The following EHMT1 variants were observed in gnomAD, a reference collection of about 807,000 sequenced individuals.
The protein encoded by EHMT1 is euchromatic histone lysine methyltransferase 1, also known as histone-lysine N-methyltransferase EHMT1.
In EHMT1, 15 loss-of-function variants were observed where a neutral mutation model predicts 147.2. The ratio of observed to expected loss-of-function variants is 0.10; its 90% CI spans 0.07 to 0.16. The LOEUF (loss-of-function observed/expected upper bound fraction) is 0.16. EHMT1 is among the 10% of genes least tolerant of loss of function. The pLI is 1.00. For missense variants in EHMT1, 1,587 were observed against 1,772.4 expected (o/e 0.90, Z 1.88); for synonymous variants, 795 against 709.6 (o/e 1.12, Z -1.91).
At chr9:137,690,785 T>C (rs1008302734) in intron 1 of EHMT1, among the ~76,000 whole-genome samples, 1 of 152,196 alleles carries the variant, frequency 6.6e-6, no homozygotes, top group Non-Finnish European at 1.5e-5. Flanking sequence ...ATCACTTGTG[T>C]ATGTTGCTGT....
At position 137,801,352 on chromosome 9, in the gene EHMT1, C is replaced by T. The variant is rs1309303382; in HGVS notation, c.2712+368C>T. Among the ~76,000 whole-genome samples, 7 of 152,328 alleles carry T rather than the reference C, an allele frequency of 4.6e-5. No homozygotes were observed. The South Asian group carries it at 6.2e-4, about 14-fold the overall frequency. The stretch of plus-strand genomic sequence containing the variant: ...TTTGTTTCTTTTATGGATGGAGTCT[C>T]GCTCTGTCGCCCAGGCTAGAGTGCA... On this transcript the variant is annotated intron_variant, in intron 18 of 26. Transcript: ENST00000460843.
chr9:137,626,428 C>T (rs2133520492), intron 1 of EHMT1, among the ~76,000 whole-genome samples: 1 of 150,342 alleles, frequency 6.7e-6, no homozygotes, highest in East Asian at 2.0e-4. Flanking sequence ...GAGGCTGAGG[C>T]AGGAGGATTG....
intron 1 of EHMT1, among the ~76,000 whole-genome samples, chr9:137,623,494 A>T (rs574401053): frequency 9.9e-5 from 15 of 151,618 alleles, no homozygotes; most frequent in Non-Finnish European, 1.8e-4. Context: ...TGCTAACTGC[A>T]GCCTCCGCCT....
intron 2 of EHMT1, among the ~76,000 whole-genome samples, chr9:137,712,254 T>C (rs1338031404): frequency 6.6e-6 from 1 of 152,244 alleles, no homozygotes; most frequent in African/African-American, 2.4e-5. Flanking sequence ...GGAACTTGTT[T>C]CCTACGTGAC....
At chr9:137,697,715 A>G (rs1435221931) in intron 1 of EHMT1, among the ~76,000 whole-genome samples, 1 of 152,226 alleles carries the variant, frequency 6.6e-6, no homozygotes, top group Non-Finnish European at 1.5e-5. Context: ...AATAAAGCCA[A>G]ATTACAAGAA....
At chr9:137,719,013 A>G (rs558223815) in intron 3 of EHMT1, among the ~76,000 whole-genome samples, 26 of 152,142 alleles carry the variant, frequency 1.7e-4, no homozygotes, top group Non-Finnish European at 3.5e-4. Flanking sequence ...TCGGCCTCCC[A>G]GAGTGCTGGG....
At chr9:137,619,375 G>T (rs1404343370) in intron 1 of EHMT1, among the ~76,000 whole-genome samples, 1 of 151,472 alleles carries the variant, frequency 6.6e-6, no homozygotes, top group African/African-American at 2.4e-5. Context: ...CGCCGCCGCC[G>T]CCCGCAAGCC....
rs1337564812 is a variant in EHMT1, at chr9:137,775,019, CTT to C, written c.1648-89_1648-88del. Reference sequence around the variant, plus strand: ...GTCAGCCCACACCTGCTGAGCAGCTCTTGTGTGCCTGCACTGCCCAGCGCCTG... The same window carrying C: ...GTCAGCCCACACCTGCTGAGCAGCTCGTGTGCCTGCACTGCCCAGCGCCTG... On this transcript the variant is annotated intron_variant, in intron 10 of 26. Transcript: ENST00000460843. This position sits in a 1 kb window ranked among gnomAD's most constrained non-coding sequence, Gnocchi z 6.1. 5.0e-6 allele frequency: 8 copies of C among 1,589,252 alleles called. No homozygotes were observed. Among genetic ancestry groups the C allele is most frequent in the Non-Finnish European group, 6.9e-6 (8 of 1,160,338 alleles).
chr9:137,689,022 G>A (rs1253124753), intron 1 of EHMT1, among the ~76,000 whole-genome samples: 2 of 152,144 alleles, frequency 1.3e-5, no homozygotes, highest in African/African-American at 4.8e-5. Flanking sequence ...AGGAGTGACT[G>A]ACAGTGACCG....
intron 4 of EHMT1, among the ~76,000 whole-genome samples, chr9:137,729,607 T>G (rs916069773): frequency 6.6e-6 from 1 of 152,104 alleles, no homozygotes; most frequent in South Asian, 2.1e-4. Context: ...AAATTTTTTT[T>G]AATTTAAGTA....
intron 23 of EHMT1, chr9:137,816,396 G>C (rs573065420): frequency 2.6e-6 from 1 of 383,988 alleles, no homozygotes; most frequent in Non-Finnish European, 5.0e-6. Context: ...TAGGGCTGTC[G>C]TAGTTCTATT....
At position 137,811,568 on chromosome 9, in the gene EHMT1, C is replaced by T. The variant is rs765865626; in HGVS notation, c.2820C>T (p.Asp940=). The T allele has an allele frequency of 9.6e-5, 155 of 1,607,116 alleles. No homozygotes were observed. The highest frequency in any genetic ancestry group is 1.2e-4 in the Non-Finnish European group (145 of 1,180,004). Residue 940 remains aspartate (D), a synonymous_variant, in exon 19 of 27, where the codon GAC becomes GAT. Transcript: ENST00000460843. ...CDLHAVNIHG[D]SPLHIAAREN... ...TCCACGCCGTGAACATCCACGGAGA[C>T]TCGCCACTGCACATTGCCGCCCGGG...
intron 1 of EHMT1, among the ~76,000 whole-genome samples, chr9:137,635,142 A>G (rs930148460): frequency 2.0e-5 from 3 of 152,098 alleles, no homozygotes; most frequent in East Asian, 1.9e-4. Flanking sequence ...CCATCTTAAT[A>G]GCAAGTCTTC....
chr9:137,736,084 A>C (rs1947508037), intron 4 of EHMT1, among the ~76,000 whole-genome samples: 1 of 152,250 alleles, frequency 6.6e-6, no homozygotes, highest in Admixed American at 6.5e-5. Context: ...CAAAGACAGA[A>C]ATAGATTGAA....
intron 1 of EHMT1, among the ~76,000 whole-genome samples, chr9:137,694,427 C>T (rs950944823): frequency 9.2e-5 from 14 of 152,096 alleles, no homozygotes; most frequent in Non-Finnish European, 1.5e-4. Flanking sequence ...ACCCACCATG[C>T]GGTGGCGCAG....
intron 1 of EHMT1, among the ~76,000 whole-genome samples, chr9:137,669,520 C>T (rs1341124175): frequency 2.8e-5 from 4 of 144,552 alleles, no homozygotes; most frequent in African/African-American, 5.1e-5. Flanking sequence ...CCGCACAGCA[C>T]GTGCACTCGA....
rs910883210 is a variant in EHMT1 at position 137,776,474 on chromosome 9, G to C, written c.1792-144G>C. On this transcript the variant is annotated intron_variant, in intron 11 of 26. Coordinates refer to ENST00000460843, the MANE Select transcript of EHMT1 (RefSeq NM_024757.5). This position sits in a 1 kb window ranked among gnomAD's most constrained non-coding sequence, Gnocchi z 4.4. ...GTTCCTCCTTCTTAACGATGCCTGGGGCCAAGACTGGACCCCACCCCGACC... is the reference window on the plus strand; with the variant it reads ...GTTCCTCCTTCTTAACGATGCCTGGCGCCAAGACTGGACCCCACCCCGACC... 1.4e-6 allele frequency: 1 copy of C among 737,514 alleles called. No individual in the cohort carries two copies. The highest frequency in any genetic ancestry group is 2.3e-6 in the Non-Finnish European group (1 of 431,714). The allele number at this position is 737,514 out of a possible 1,614,324, so 45.7% of individuals were successfully genotyped here. A position where few individuals can be genotyped will look rare whatever the true frequency, so the allele number is the denominator to read the frequency against.
intron 8 of EHMT1, among the ~76,000 whole-genome samples, chr9:137,756,764 C>G (rs923161767): frequency 6.6e-6 from 1 of 152,178 alleles, no homozygotes; most frequent in Non-Finnish European, 1.5e-5. Context: ...TTTAAATATT[C>G]ACAGAGGAGT....
chr9:137,803,812 C>T (rs1243263834), intron 18 of EHMT1, among the ~76,000 whole-genome samples: 1 of 150,582 alleles, frequency 6.6e-6, no homozygotes, highest in Non-Finnish European at 1.5e-5. Flanking sequence ...GATCGCACCA[C>T]TGCACCCCAG....
Sources: gnomAD v4.1 joint callset for allele counts (sites outside exome capture counted in the v4.1 genomes callset) on GRCh38, gnomAD v4.1.1 for gene constraint, Gnocchi (gnomAD v3.1) non-coding constraint, MANE v1.5 for transcripts, NCBI Gene and HGNC (gene_info 2026-07-23, HGNC 2026-07-21) for gene names.